Variants in KRT86 observed in about 807,000 individuals in gnomAD.
KRT86 encodes keratin, type II cuticular Hb6.
Under a neutral mutation model 41.2 loss-of-function variants are expected in KRT86, and 30 were observed. The observed-to-expected ratio is 0.73, with a 90% confidence interval of 0.54 to 0.99. The LOEUF is 0.99. Among genes scored for constraint, KRT86 ranks in the 50% least tolerant of loss-of-function variants. KRT86 has a pLI of 0.00. For missense variants in KRT86, 561 were observed against 571.4 expected (o/e 0.98, Z 0.19); for synonymous variants, 238 against 238.1 (o/e 1.00, Z 0.00).
Position 52,308,503 on chromosome 12 carries a change from G to A in KRT86, c.1379G>A (p.Ser460Asn). 1.2e-6 allele frequency: 2 copies of A among 1,607,718 alleles called. No homozygotes were observed. The highest frequency in any genetic ancestry group is 4.5e-5 in the East Asian group (2 of 44,868). The change falls in exon 11 of 11, where the codon AGC becomes AAC. Residue 460 changes from serine (S) to asparagine (N), a missense_variant. Ser to Asn is a conservative substitution (Grantham distance 46, BLOSUM62 1). Transcript: ENST00000423955. Reference protein sequence around the residue: ...STRVSSVPSNSNVVVGTTNAC... With the variant: ...STRVSSVPSNNNVVVGTTNAC... ...AGAGTCAGTAGCGTCCCCAGCAACA[G>A]CAACGTGGTGGTGGGCACTACTAAC...
intron 2 of KRT86, among the ~76,000 whole-genome samples, chr12:52,283,287 G>A (rs1430496002): frequency 6.6e-6 from 1 of 150,734 alleles, no homozygotes; most frequent in Non-Finnish European, 1.5e-5. Flanking sequence ...CAGCTACTTG[G>A]GAGGCTGAGG....
intron 2 of KRT86, among the ~76,000 whole-genome samples, chr12:52,280,519 C>A (rs1181445767): frequency 1.3e-5 from 2 of 152,212 alleles, no homozygotes; most frequent in Non-Finnish European, 2.9e-5. Flanking sequence ...CACTCTAGTG[C>A]CAGAGTGTCT....
At position 52,287,949 on chromosome 12, in the gene KRT86, A is replaced by C. The variant is rs7954186; in HGVS notation, c.-5+12003A>C. The stretch of plus-strand genomic sequence containing the variant: ...TAGATATCTCACATCCCTCCCACTG[A>C]CACGTCTAGCAGGCAGGTGTCCTGT... On this transcript the variant is annotated intron_variant, in intron 2 of 10. Transcript: ENST00000423955. 825,244 of 1,613,766 alleles carry C rather than the reference A, an allele frequency of 0.51. 216,273 individuals are homozygous for C. Among genetic ancestry groups the C allele is most frequent in the African/African-American group, 0.66 (49,238 of 74,964 alleles).
intron 2 of KRT86, chr12:52,286,348 G>A (rs1302611680): frequency 6.4e-7 from 1 of 1,555,060 alleles, no homozygotes; most frequent in Non-Finnish European, 8.7e-7. Flanking sequence ...CGCAGGTGGT[G>A]TTCAATTGGC....
intron 2 of KRT86, chr12:52,287,296 G>T: frequency 6.2e-7 from 1 of 1,613,190 alleles, no homozygotes; most frequent in South Asian, 1.1e-5. Flanking sequence ...GCTCAGACTG[G>T]GCCACCGCGG....
At chr12:52,308,352 C>T (rs938043938) in intron 10 of KRT86, 52 bp from the exon 11 acceptor site, 3 of 1,612,028 alleles carry the variant, frequency 1.9e-6, no homozygotes, top group Non-Finnish European at 2.5e-6. Context: ...CAAAGCCACT[C>T]ACCCAGGTCG....
intron 2 of KRT86, among the ~76,000 whole-genome samples, chr12:52,296,668 C>T (rs1839421214): frequency 2.0e-5 from 3 of 152,048 alleles, no homozygotes; most frequent in Admixed American, 6.5e-5. Context: ...CTTGGGCTCT[C>T]CCCAATCACC....
At chr12:52,277,832 G>A (rs969534724) in intron 2 of KRT86, 1 of 152,290 alleles carries the variant, frequency 6.6e-6, no homozygotes, top group Non-Finnish European at 1.5e-5. Flanking sequence ...GGAGAGAGAT[G>A]ACCTAGGTAT....
chr12:52,274,738 G>C lies in KRT86; in HGVS notation c.-131+16G>C, dbSNP rs572554569. 1.0e-6 allele frequency: 1 copy of C among 985,206 alleles called. No individual in the cohort carries two copies. Among genetic ancestry groups the C allele is most frequent in the African/African-American group, 1.7e-5 (1 of 57,230 alleles). 61.0% of individuals were successfully genotyped at this position (985,206 alleles called of 1,614,324 possible). On this transcript the variant is annotated intron_variant, in intron 1 of 10. Coordinates refer to ENST00000423955, the MANE Select transcript of KRT86 (RefSeq NM_001320198.2). ...TTTCTCCATGGTGAGACTCATACACGTGGCTCCCTGGTCACACAGGGATGA... is the reference window on the plus strand; with the variant it reads ...TTTCTCCATGGTGAGACTCATACACCTGGCTCCCTGGTCACACAGGGATGA...
intron 2 of KRT86, among the ~76,000 whole-genome samples, chr12:52,294,559 G>C (rs149481541): frequency 2.1e-4 from 32 of 152,102 alleles, no homozygotes; most frequent in African/African-American, 7.5e-4. Context: ...GCTCTGGCAA[G>C]GTAAAGAGGA....
chr12:52,295,458 G>A (rs1444874570), intron 2 of KRT86, among the ~76,000 whole-genome samples: 2 of 152,098 alleles, frequency 1.3e-5, no homozygotes, highest in African/African-American at 4.8e-5. Context: ...GTACACCATC[G>A]GCCATCAGTA....
At chr12:52,300,748 G>A (rs1485177045) in intron 2 of KRT86, among the ~76,000 whole-genome samples, 1 of 152,222 alleles carries the variant, frequency 6.6e-6, no homozygotes, top group Admixed American at 6.5e-5. Flanking sequence ...TGATGGCAGG[G>A]GCTGGATGCT....
chr12:52,275,642 G>A (rs770632600), intron 1 of KRT86, among the ~76,000 whole-genome samples, 179 bp from the exon 2 acceptor site: 1 of 152,216 alleles, frequency 6.6e-6, no homozygotes, highest in East Asian at 1.9e-4. Flanking sequence ...CACAAGGCAA[G>A]CTCACTGTGT....
chr12:52,305,603 A>T, intron 7 of KRT86, 60 bp from the exon 8 acceptor site: 2 of 1,613,706 alleles, frequency 1.2e-6, no homozygotes, highest in Non-Finnish European at 1.7e-6. Context: ...ATCATCTGTC[A>T]TGCCCTGAAT....
At chr12:52,286,331 C>A (rs956977110) in intron 2 of KRT86, 2 of 1,554,942 alleles carry the variant, frequency 1.3e-6, no homozygotes, top group South Asian at 2.4e-5. Context: ...GCCGCAGGAA[C>A]CCCCTCCGCA....
At chr12:52,287,114 C>A in intron 2 of KRT86, 1 of 1,613,058 alleles carries the variant, frequency 6.2e-7, no homozygotes, top group Non-Finnish European at 8.5e-7. Context: ...CTGCTCCTCG[C>A]CCTCCAGCAG....
chr12:52,301,168 G>A (rs897726090), intron 2 of KRT86, among the ~76,000 whole-genome samples: 7 of 151,976 alleles, frequency 4.6e-5, no homozygotes, highest in African/African-American at 1.7e-4. Flanking sequence ...AAAGAGAGAG[G>A]GGGGGTTGTG....
At chr12:52,286,669 C>T in intron 2 of KRT86, 1 of 1,235,372 alleles carries the variant, frequency 8.1e-7, no homozygotes, top group Non-Finnish European at 1.2e-6. Flanking sequence ...ACCCCAAATC[C>T]CTCCTGTTGT....
intron 2 of KRT86, 117 bp from the exon 3 acceptor site, chr12:52,301,796 C>G (rs2121296130): frequency 1.2e-6 from 2 of 1,606,700 alleles, no homozygotes; most frequent in South Asian, 1.1e-5. Flanking sequence ...TGGTCACAGT[C>G]TCCCCACTTA....
Sources: gnomAD v4.1 joint callset for allele counts (sites outside exome capture counted in the v4.1 genomes callset) on GRCh38, gnomAD v4.1.1 for gene constraint, MANE v1.5 for transcripts, NCBI Gene and HGNC (gene_info 2026-07-23, HGNC 2026-07-21) for gene names.